SMC1B: variants seen among roughly 807,000 people sequenced by gnomAD.
SMC1B encodes structural maintenance of chromosomes 1B.
In SMC1B, 60 loss-of-function variants were observed where a neutral mutation model predicts 157.9. The observed-to-expected ratio is 0.38, with a 90% CI of 0.31 to 0.47. SMC1B has a LOEUF of 0.47. Ranked by LOEUF, SMC1B falls within the 20% of genes least tolerant of loss-of-function variation. SMC1B has a pLI of 0.99. For synonymous variants in SMC1B, 445 were observed against 483.0 expected, an observed-to-expected ratio of 0.92 and a Z score of 1.03; for missense variants, 1,165 against 1,426.2, an observed-to-expected ratio of 0.82 and a Z score of 2.95.
intron 4 of SMC1B, among the ~76,000 whole-genome samples, chr22:45,405,008 AG>A (rs1486513773): frequency 1.3e-5 from 2 of 152,242 alleles, no homozygotes; most frequent in Non-Finnish European, 2.9e-5. Flanking sequence ...AGTACAAGGG[AG>A]GGGGTGCTAA....
chr22:45,381,505 AC>A (rs943547027), intron 12 of SMC1B, among the ~76,000 whole-genome samples: 4 of 152,192 alleles, frequency 2.6e-5, no homozygotes, highest in South Asian at 2.1e-4. Context: ...AGGCATCTTC[AC>A]ATGGGACAAA....
At chr22:45,413,172 C>T (rs2087370593) in intron 1 of SMC1B, among the ~76,000 whole-genome samples, 2 of 151,752 alleles carry the variant, frequency 1.3e-5, no homozygotes, top group Admixed American at 1.3e-4. Flanking sequence ...AGGGCGAGAG[C>T]GGGGCCCGAG....
chr22:45,412,334 G>A (rs752159075), intron 1 of SMC1B, among the ~76,000 whole-genome samples: 13 of 151,348 alleles, frequency 8.6e-5, no homozygotes, highest in African/African-American at 1.9e-4. Context: ...CTCAGTAGCC[G>A]GGATTACAGG....
chr22:45,353,595 C>A (rs985602930), intron 21 of SMC1B, among the ~76,000 whole-genome samples: 1 of 152,030 alleles, frequency 6.6e-6, no homozygotes, highest in African/African-American at 2.4e-5. Flanking sequence ...CACAGATGAA[C>A]CATCTTCCCA....
At chr22:45,386,297 A>T (rs136590) in intron 11 of SMC1B, among the ~76,000 whole-genome samples, 4 of 151,764 alleles carry the variant, frequency 2.6e-5, no homozygotes, top group Admixed American at 2.6e-4. Context: ...TGCTCAACTA[A>T]ATACAAATAT....
intron 23 of SMC1B, among the ~76,000 whole-genome samples, chr22:45,347,746 G>T (rs1034984804): frequency 6.6e-6 from 1 of 152,126 alleles, no homozygotes; most frequent in Non-Finnish European, 1.5e-5. Flanking sequence ...GAGCCATCAC[G>T]CCTGGCCCAG....
At position 45,358,889 on chromosome 22, in the gene SMC1B, C is replaced by T. The variant is rs2086694829; in HGVS notation, c.2863-94G>A. ...ACTCCAAAAACAATTACAATAGTAACATCAAAGATCAGTTATATAGATCAC... is the reference window on the plus strand; with the variant it reads ...ACTCCAAAAACAATTACAATAGTAATATCAAAGATCAGTTATATAGATCAC... On this transcript the variant is annotated intron_variant, in intron 18 of 24. Transcript: ENST00000357450. The T allele has an allele frequency of 9.4e-6, 7 of 741,460 alleles. No individual in the cohort carries two copies. The South Asian group carries it at 1.2e-4, about 12-fold the overall frequency. 45.9% of individuals were successfully genotyped at this position (741,460 alleles called of 1,614,324 possible). A position where few individuals can be genotyped will look rare whatever the true frequency, so the allele number is the denominator to read the frequency against.
chr22:45,371,023 T>C (rs2086825974), intron 14 of SMC1B, among the ~76,000 whole-genome samples: 1 of 152,188 alleles, frequency 6.6e-6, no homozygotes, highest in South Asian at 2.1e-4. Context: ...TCAGAAAGTT[T>C]CTATCCCTTT....
rs1420847778 is a variant in SMC1B at position 45,393,838 on chromosome 22, A to G, written c.1341T>C (p.Asp447=). ...KLEEYTKTCM[D]CLKEKKQQEE... Reference sequence around the variant, plus strand: ...CTTGCTGTTTTTTCTCTTTCAAGCAATCCCTACAAAATAACAACAAATTAT... The same window carrying G: ...CTTGCTGTTTTTTCTCTTTCAAGCAGTCCCTACAAAATAACAACAAATTAT... Residue 447 remains aspartate (D), a synonymous_variant, in exon 9 of 25, where the codon GAT becomes GAC. Coordinates refer to ENST00000357450, the MANE Select transcript of SMC1B (RefSeq NM_148674.5). The G allele has an allele frequency of 3.1e-6, 5 of 1,603,740 alleles. No individual in the cohort carries two copies. The highest frequency in any genetic ancestry group is 4.3e-6 in the Non-Finnish European group (5 of 1,174,348).
intron 12 of SMC1B, among the ~76,000 whole-genome samples, chr22:45,380,872 G>C (rs1370530340): frequency 6.6e-6 from 1 of 152,096 alleles, no homozygotes; most frequent in African/African-American, 2.4e-5. Flanking sequence ...GTTACACTGA[G>C]CTATGATGGC....
intron 10 of SMC1B, among the ~76,000 whole-genome samples, chr22:45,387,613 T>C (rs1439317867): frequency 6.6e-6 from 1 of 152,180 alleles, no homozygotes; most frequent in Non-Finnish European, 1.5e-5. Context: ...TGTCATTAAC[T>C]AGTCAGGATA....
intron 18 of SMC1B, among the ~76,000 whole-genome samples, chr22:45,359,528 C>T (rs965188177): frequency 1.3e-5 from 2 of 152,172 alleles, no homozygotes; most frequent in Admixed American, 6.5e-5. Flanking sequence ...TGCAGGGAAC[C>T]GCTGCATACT....
At chr22:45,380,576 G>T (rs1424658012) in intron 12 of SMC1B, among the ~76,000 whole-genome samples, 1 of 151,998 alleles carries the variant, frequency 6.6e-6, no homozygotes, top group Non-Finnish European at 1.5e-5. Context: ...TTGGTTCTCA[G>T]CAATGACATG....
At chr22:45,371,111 A>G (rs1377806291) in intron 14 of SMC1B, among the ~76,000 whole-genome samples, 1 of 152,230 alleles carries the variant, frequency 6.6e-6, no homozygotes, top group Non-Finnish European at 1.5e-5. Context: ...GGTGTTTTAA[A>G]AAAAACTCCT....
chr22:45,374,514 C>T (rs2146800992), intron 12 of SMC1B, among the ~76,000 whole-genome samples: 1 of 152,290 alleles, frequency 6.6e-6, no homozygotes, highest in African/African-American at 2.4e-5. Flanking sequence ...CCTGTTGTTA[C>T]AGTCTAGTCT....
chr22:45,401,581 C>T (rs560838970), intron 5 of SMC1B, among the ~76,000 whole-genome samples: 1 of 152,342 alleles, frequency 6.6e-6, no homozygotes, highest in Non-Finnish European at 1.5e-5. Flanking sequence ...GCAAATGGCA[C>T]ATCTAGTCCT....
chr22:45,360,064 C>T, intron 17 of SMC1B, 106 bp from the exon 18 acceptor site: 1 of 801,368 alleles, frequency 1.2e-6, no homozygotes, highest in Admixed American at 2.9e-5. Flanking sequence ...ATTATTTATT[C>T]CTGTGAGTGC....
At chr22:45,362,422 G>A (rs960678175) in intron 16 of SMC1B, among the ~76,000 whole-genome samples, 3 of 152,034 alleles carry the variant, frequency 2.0e-5, no homozygotes, top group African/African-American at 4.8e-5. Context: ...AGATCCCATC[G>A]CTGCTCCACT....
chr22:45,371,563 G>A lies in SMC1B; in HGVS notation c.2221C>T (p.Leu741=), dbSNP rs748246532. The stretch of plus-strand genomic sequence containing the variant: ...ATACATTGAGACTCAATATTTAGTA[G>A]TTCACTTTGTAACTGAGATTGTTCC... The part of the protein sequence containing the change: ...YQEQSQLQSE[L]LNIESQCIML... The change falls in exon 14 of 25, where the codon CTA becomes TTA. Residue 741 remains leucine (L), a synonymous_variant. Coordinates refer to ENST00000357450, the MANE Select transcript of SMC1B (RefSeq NM_148674.5). 1.9e-6 allele frequency: 3 copies of A among 1,593,780 alleles called. No individual in the cohort carries two copies. The highest frequency in any genetic ancestry group is 1.7e-4 in the Middle Eastern group (1 of 6,004).
Sources: gnomAD v4.1 joint callset for allele counts (sites outside exome capture counted in the v4.1 genomes callset) on GRCh38, gnomAD v4.1.1 for gene constraint, MANE v1.5 for transcripts, NCBI Gene and HGNC (gene_info 2026-07-23, HGNC 2026-07-21) for gene names.